Variants in MYH13 observed in about 807,000 individuals in gnomAD.
MYH13 encodes myosin-13.
A neutral mutation model predicts 232.1 loss-of-function variants in MYH13; 177 were observed. That is an observed-to-expected ratio of 0.76 (90% CI 0.67 to 0.86). The LOEUF is 0.86. Ranked by LOEUF, MYH13 falls within the 40% of genes least tolerant of loss-of-function variation. The pLI is 0.00. For synonymous variants in MYH13, 884 were observed against 923.5 expected, an observed-to-expected ratio of 0.96 and a Z score of 0.78; for missense variants, 2,246 against 2,405.9, an observed-to-expected ratio of 0.93 and a Z score of 1.39.
intron 18 of MYH13, among the ~76,000 whole-genome samples, chr17:10,333,512 T>G (rs1010745003): frequency 6.6e-6 from 1 of 152,236 alleles, no homozygotes; most frequent in Non-Finnish European, 1.5e-5. Context: ...AGGGTGCACT[T>G]GGGCTTCCCA....
At chr17:10,323,933 C>G in intron 23 of MYH13, 89 bp downstream of exon 23, 1 of 1,523,168 alleles carries the variant, frequency 6.6e-7, no homozygotes, top group Non-Finnish European at 8.8e-7. Context: ...GTTATATTGA[C>G]TGGACTCCTA....
intron 23 of MYH13, among the ~76,000 whole-genome samples, chr17:10,323,736 C>T (rs1002596319): frequency 1.6e-5 from 2 of 127,962 alleles, no homozygotes; most frequent in Non-Finnish European, 3.1e-5. Flanking sequence ...CGAGATCTGC[C>T]TGGGCAACAG....
At chr17:10,354,611 C>G in intron 11 of MYH13, 69 bp downstream of exon 11, 1 of 1,413,460 alleles carries the variant, frequency 7.1e-7, no homozygotes, top group Admixed American at 1.7e-5. Flanking sequence ...CATTAGCTCA[C>G]TAACGTGTCT....
intron 8 of MYH13, among the ~76,000 whole-genome samples, chr17:10,356,729 G>C (rs1212206147): frequency 1.9e-4 from 29 of 152,166 alleles, no homozygotes; most frequent in Admixed American, 1.9e-3. Context: ...ACAAGTTTGA[G>C]ACTATCCAAC....
Position 10,371,202 on chromosome 17 carries a change from C to A in MYH13, c.-13+7G>T, listed in dbSNP as rs748251237. 1 of 152,108 alleles carries A rather than the reference C, an allele frequency of 6.6e-6. No homozygotes were observed. Among genetic ancestry groups the A allele is most frequent in the Non-Finnish European group, 1.5e-5 (1 of 68,028 alleles). The allele number at this position is 152,108 out of a possible 1,614,324, so 9.4% of individuals were successfully genotyped here. A position where few individuals can be genotyped will look rare whatever the true frequency, so the allele number is the denominator to read the frequency against. ...GCATTCATGATCAAGCTGAAAATAA[C>A]CCTTACCTTCTTGGTTCCCAAGTGA... is the stretch of plus-strand genomic sequence containing the variant. On this transcript the variant is annotated splice_region_variant and intron_variant, in intron 2 of 40. Transcript: ENST00000252172.
intron 3 of MYH13, among the ~76,000 whole-genome samples, 154 bp from the exon 4 acceptor site, chr17:10,362,657 A>G (rs897811651): frequency 6.6e-6 from 1 of 152,208 alleles, no homozygotes; most frequent in African/African-American, 2.4e-5. Context: ...AACATGATCC[A>G]TAAATAACAG....
intron 18 of MYH13, 93 bp from the exon 19 acceptor site, chr17:10,333,284 TTGAGTGGGAGAGTCAG>T (rs1907475457): frequency 3.5e-6 from 3 of 869,146 alleles, no homozygotes; most frequent in South Asian, 3.0e-5. Context: ...ACATCCACAC[TTGAGTGGGAGAGTCAG>T]TGAGTGGGAG....
chr17:10,307,201 A>C, intron 35 of MYH13, 137 bp from the exon 36 acceptor site: 1 of 1,032,548 alleles, frequency 9.7e-7, no homozygotes, highest in Non-Finnish European at 1.4e-6. Flanking sequence ...CCTGCTGGGT[A>C]CAGTACTGTA....
chr17:10,353,007 G>A (rs1451235496), intron 11 of MYH13, among the ~76,000 whole-genome samples: 1 of 152,134 alleles, frequency 6.6e-6, no homozygotes, highest in Non-Finnish European at 1.5e-5. Context: ...CTGAGTCTCA[G>A]CCAATCACAG....
In MYH13 at chr17:10,312,711, T is replaced by A; in HGVS notation, c.4228A>T (p.Thr1410Ser). 6.2e-7 allele frequency: 1 copy of A among 1,613,464 alleles called. No individual in the cohort carries two copies. The highest frequency in any genetic ancestry group is 8.5e-7 in the Non-Finnish European group (1 of 1,179,788). ...AACGATGCGCACTTGGAGTTCGCCGTCTCCGTGTTCTCCTCTGCTTCCTGG... is the reference window on the plus strand; with the variant it reads ...AACGATGCGCACTTGGAGTTCGCCGACTCCGTGTTCTCCTCTGCTTCCTGG... ...RLQEAEENTE[T>S]ANSKCASLEK... The change falls in exon 31 of 41, where the codon ACG (threonine) becomes TCG (serine). Residue 1410 changes from threonine to serine, a missense_variant. Physicochemically the swap from Thr to Ser is moderately conservative, Grantham distance 58 (BLOSUM62 1). Coordinates refer to ENST00000252172, the MANE Select transcript of MYH13 (RefSeq NM_003802.3).
intron 7 of MYH13, among the ~76,000 whole-genome samples, chr17:10,359,207 G>A (rs550722306): frequency 5.9e-5 from 9 of 152,326 alleles, no homozygotes; most frequent in Non-Finnish European, 1.2e-4. Flanking sequence ...AACCAACCGC[G>A]TGATTAGAGA....
In MYH13 at chr17:10,313,282, C is replaced by T; in HGVS notation, c.4057G>A (p.Glu1353Lys). The change falls in exon 30 of 41, where the codon GAG becomes AAG. Residue 1353 changes from glutamate (E) to lysine (K), a missense_variant. Transcript: ENST00000252172. Reference protein sequence around the residue: ...DCDLLREQYEEEQEAKAELQR... With the variant: ...DCDLLREQYEKEQEAKAELQR... ...AGCTCGGCCTTGGCTTCCTGCTCCT[C>T]CTCATACTGTTCCCGCAGCAGGTCA... 6.8e-6 allele frequency: 11 copies of T among 1,614,246 alleles called. No homozygotes were observed. Among genetic ancestry groups the T allele is most frequent in the Non-Finnish European group, 9.3e-6 (11 of 1,180,048 alleles).
rs759371487 is a variant in MYH13, at chr17:10,362,167, C to T, written c.456G>A (p.Pro152=). ...AYRGKKRQEA[P]PHIFSISDNA... is the part of the protein sequence containing the mutation. ...TGTCAGAGATGGAGAAGATGTGGGG[C>T]GGGGCCTCCTGGCGCTTTTTGCCTC... The change falls in exon 5 of 41, where the codon CCG becomes CCA. Residue 152 remains proline (P), a synonymous_variant. Coordinates refer to ENST00000252172, the MANE Select transcript of MYH13 (RefSeq NM_003802.3). 35 of 1,613,874 alleles carry T rather than the reference C, an allele frequency of 2.2e-5. No individual in the cohort carries two copies. The highest frequency in any genetic ancestry group is 9.3e-5 in the African/African-American group (7 of 75,038).
intron 35 of MYH13, 91 bp downstream of exon 35, chr17:10,309,143 G>A: frequency 7.5e-7 from 1 of 1,341,054 alleles, no homozygotes; most frequent in Non-Finnish European, 1.0e-6. Flanking sequence ...CGTGGGCCCT[G>A]AGTGGAGGGA....
chr17:10,363,224 G>A (rs1233940485), intron 3 of MYH13, among the ~76,000 whole-genome samples: 1 of 148,680 alleles, frequency 6.7e-6, no homozygotes, highest in Admixed American at 6.9e-5. Context: ...GCTGAGGCAG[G>A]AGAATGGCGT....
chr17:10,323,957 C>T (rs548960681), intron 23 of MYH13, 65 bp downstream of exon 23: 2 of 1,582,914 alleles, frequency 1.3e-6, no homozygotes, highest in African/African-American at 1.4e-5. Flanking sequence ...CACCCTTTCT[C>T]CTCCTTACAG....
In MYH13 at chr17:10,321,578, T is replaced by C. The variant is rs777584614; in HGVS notation, c.3065A>G (p.Asn1022Ser). 4 of 1,613,948 alleles carry C rather than the reference T, an allele frequency of 2.5e-6. No homozygotes were observed. The highest frequency in any genetic ancestry group is 2.2e-5 in the East Asian group (1 of 44,886). Residue 1022 changes from asparagine (N) to serine (S), a missense_variant, in exon 24 of 41, where the codon AAT (asparagine) becomes AGT (serine). Physicochemically the swap from Asn to Ser is conservative, Grantham distance 46. Transcript: ENST00000252172. ...DDLQVEEDKV[N>S]GLIKINAKLE... ...CTTGGCATTTATTTTGATTAGACCA[T>C]TGACTTTATCTTCTTCCACCTGAAG...
intron 20 of MYH13, among the ~76,000 whole-genome samples, chr17:10,331,404 T>A (rs1301202835): frequency 6.6e-6 from 1 of 152,148 alleles, no homozygotes; most frequent in East Asian, 1.9e-4. Context: ...ACTTACTATC[T>A]ATCCATGTGT....
intron 35 of MYH13, among the ~76,000 whole-genome samples, chr17:10,308,026 CTATT>C (rs1284761902): frequency 6.6e-6 from 1 of 152,122 alleles, no homozygotes; most frequent in African/African-American, 2.4e-5. Flanking sequence ...ATATAGAAGA[CTATT>C]TAAAGATGTC....
Sources: gnomAD v4.1 joint callset for allele counts (sites outside exome capture counted in the v4.1 genomes callset) on GRCh38, gnomAD v4.1.1 for gene constraint, MANE v1.5 for transcripts, NCBI Gene and HGNC (gene_info 2026-07-23, HGNC 2026-07-21) for gene names.